FAM186A: variants seen among roughly 807,000 people sequenced by gnomAD.
FAM186A encodes family with sequence similarity 186 member A.
In FAM186A, 163 loss-of-function variants were observed where a neutral mutation model predicts 216.8. The ratio of observed to expected loss-of-function variants is 0.75; its 90% CI spans 0.66 to 0.86. The LOEUF (loss-of-function observed/expected upper bound fraction) is 0.86. Ranked by LOEUF, FAM186A falls within the 40% of genes least tolerant of loss-of-function variation. The pLI, the probability that FAM186A is intolerant of heterozygous loss-of-function variation, is 0.00. For missense variants in FAM186A, 2,184 were observed against 2,746.2 expected (o/e 0.80, Z 4.58); for synonymous variants, 805 against 1,025.3 (o/e 0.79, Z 4.10).
chr12:50,335,081 G>A (rs1484708497), intron 4 of FAM186A, among the ~76,000 whole-genome samples: 1 of 151,822 alleles, frequency 6.6e-6, no homozygotes, highest in Non-Finnish European at 1.5e-5. Context: ...GGGCAATATA[G>A]TAAGACTCCG....
Position 50,351,708 on chromosome 12 carries a change from G to A in FAM186A, c.5124C>T (p.Val1708=), listed in dbSNP as rs1259331709. 1.9e-6 allele frequency: 3 copies of A among 1,551,452 alleles called. No individual in the cohort carries two copies. Among genetic ancestry groups the A allele is most frequent in the Non-Finnish European group, 1.7e-6 (2 of 1,146,912 alleles). Residue 1708 remains valine (V), a synonymous_variant, in exon 4 of 8, where the codon GTC becomes GTT. Transcript: ENST00000327337. ...TCTGAAATGGTCTATGGGACCACTG[G>A]ACTTGCTTAAGGGTGAGGGGCGATC... ...TLGSPLTLKQ[V]QWSHRPFQKS... is the part of the protein sequence containing the mutation.
At chr12:50,375,497 C>T (rs1481612535) in intron 1 of FAM186A, among the ~76,000 whole-genome samples, 3 of 150,022 alleles carry the variant, frequency 2.0e-5, no homozygotes, top group Admixed American at 6.7e-5. Context: ...TGCAGCGAGC[C>T]GAGATTGCAC....
chr12:50,340,512 C>A (rs966314721), intron 4 of FAM186A, among the ~76,000 whole-genome samples: 6 of 151,880 alleles, frequency 4.0e-5, no homozygotes, highest in Admixed American at 3.9e-4. Flanking sequence ...GAGTTCAAGA[C>A]CAGTCTGGGC....
At chr12:50,335,754 A>T (rs1200878241) in intron 4 of FAM186A, among the ~76,000 whole-genome samples, 1 of 150,986 alleles carries the variant, frequency 6.6e-6, no homozygotes. Context: ...CGTTACTTGT[A>T]AAAAAAAAGA....
chr12:50,385,902 A>C (rs549995352), intron 1 of FAM186A, among the ~76,000 whole-genome samples: 72 of 141,902 alleles, frequency 5.1e-4, no homozygotes, highest in Non-Finnish European at 8.0e-4. Flanking sequence ...ACTCCATCTC[A>C]AAAAAAAAAA....
In FAM186A at chr12:50,362,096, C is replaced by T. The variant is rs564271295; in HGVS notation, c.412+1049G>A. On this transcript the variant is annotated intron_variant, in intron 2 of 7. Coordinates refer to ENST00000327337, the MANE Select transcript of FAM186A (RefSeq NM_001145475.3). ...CAAACAGTACACCTGCCTCAGCCTC[C>T]CGAGTAGCTGGGAATAGAGGCATAT... 2.0e-5 allele frequency among the ~76,000 whole-genome samples: 3 copies of T among 152,110 alleles called. No homozygotes were observed. In the South Asian group the frequency reaches 6.2e-4, roughly 32 times the overall value.
At chr12:50,393,051 C>T (rs1943376079) in intron 1 of FAM186A, among the ~76,000 whole-genome samples, 1 of 151,362 alleles carries the variant, frequency 6.6e-6, no homozygotes, top group African/African-American at 2.4e-5. Context: ...CTCAGCCTCC[C>T]GAGTGGGTGG....
chr12:50,341,566 G>C (rs1942762550), intron 4 of FAM186A, among the ~76,000 whole-genome samples: 2 of 152,206 alleles, frequency 1.3e-5, no homozygotes, highest in Admixed American at 6.5e-5. Flanking sequence ...ACCTGACACA[G>C]TGGCTCATAC....
At position 50,351,864 on chromosome 12, in the gene FAM186A, G is replaced by C. The variant is rs1319888167; in HGVS notation, c.4968C>G (p.Ala1656=). 6.5e-7 allele frequency: 1 copy of C among 1,544,394 alleles called. No individual in the cohort carries two copies. Among genetic ancestry groups the C allele is most frequent in the Admixed American group, 2.0e-5 (1 of 50,480 alleles). ...ALGVPITPVN[A]WVSAVTLTSE... ...AGGTAAGAGTGACAGCTGACACCCA[G>C]GCATTTACTGGGGTGATGGGGACTC... The change falls in exon 4 of 8, where the codon GCC becomes GCG. Residue 1656 remains alanine (A), a synonymous_variant. Coordinates refer to ENST00000327337, the MANE Select transcript of FAM186A (RefSeq NM_001145475.3).
In FAM186A at chr12:50,353,696, T is replaced by A; in HGVS notation, c.3136A>T (p.Ile1046Leu). Reference sequence around the variant, plus strand: ...AGGGAGGGGGGAGGTGTGATTGATATGGGCTCCTTTTCATCAGGAAGGTTC... The same window carrying A: ...AGGGAGGGGGGAGGTGTGATTGATAAGGGCTCCTTTTCATCAGGAAGGTTC... ...LENLPDEKEP[I>L]SITPPPSLQY... The change falls in exon 4 of 8, where the codon ATA becomes TTA. Residue 1046 changes from isoleucine to leucine, a missense_variant. Transcript: ENST00000327337. 1 of 1,539,132 alleles carries A rather than the reference T, an allele frequency of 6.5e-7. No individual in the cohort carries two copies.
chr12:50,375,716 CAAAAAAAAAAAGA>C (rs1943191290), intron 1 of FAM186A, among the ~76,000 whole-genome samples: 2 of 112,848 alleles, frequency 1.8e-5, no homozygotes, highest in East Asian at 2.5e-4. Context: ...GACTCCATCT[CAAAAAAAAAAAGA>C]AAAAGAAAAA....
rs10611207 is a variant in FAM186A at position 50,339,741 on chromosome 12, T to TACACACACACAC, written c.6504-5650_6504-5639dup. 2.8e-3 allele frequency among the ~76,000 whole-genome samples: 413 copies of TACACACACACAC among 148,520 alleles called. 7 individuals carry two copies. The highest frequency in any genetic ancestry group is 9.3e-3 in the African/African-American group (375 of 40,128). ...TCTAAGTATTAGCCACAAAGTACTT[T>TACACACACACAC]ACACACACACACACACACACACACA... On this transcript the variant is annotated intron_variant, in intron 4 of 7. Transcript: ENST00000327337.
intron 1 of FAM186A, among the ~76,000 whole-genome samples, chr12:50,371,007 A>G (rs4362211): frequency 0.97 from 147,567 of 152,042 alleles, 71,762 homozygotes; most frequent in East Asian, 1. Context: ...ACTGAGGCAG[A>G]AGAATCGCTT....
At chr12:50,368,021 T>C (rs554709299) in intron 1 of FAM186A, among the ~76,000 whole-genome samples, 15 of 152,154 alleles carry the variant, frequency 9.9e-5, no homozygotes, top group Admixed American at 4.6e-4. Context: ...GGTGGGTGTT[T>C]GTAATCCCAG....
rs117247841 is a variant in FAM186A at position 50,395,151 on chromosome 12, T to A, written c.192+1142A>T. On this transcript the variant is annotated intron_variant, in intron 1 of 7. Transcript: ENST00000327337. ...GCTATGTCACCCATGCTGAGTGGGG[T>A]GCAGTAGTGCAAGCATGGTGCTCAC... is the stretch of plus-strand genomic sequence containing the variant. Among the ~76,000 whole-genome samples the A allele has an allele frequency of 2.3e-4, 35 of 152,256 alleles. No individual in the cohort carries two copies. The East Asian group carries it at 6.4e-3, about 28-fold the overall frequency.
Position 50,333,919 on chromosome 12 carries a change from A to G in FAM186A, c.6688T>C (p.Phe2230Leu). The change falls in exon 5 of 8, where the codon TTC becomes CTC. Residue 2230 changes from phenylalanine to leucine, a missense_variant. Phe to Leu is a conservative substitution (Grantham distance 22). Coordinates refer to ENST00000327337, the MANE Select transcript of FAM186A (RefSeq NM_001145475.3). ...NQCLKKMIHV[F>L]NQLKKIHELN... is the part of the protein sequence containing the mutation. ...AGTGGAAAGCAGGTTACCTGGTTGA[A>G]TACGTGTATCATTTTCTTCAGGCAC... 6.4e-7 allele frequency: 1 copy of G among 1,550,550 alleles called. No individual in the cohort carries two copies. The highest frequency in any genetic ancestry group is 8.7e-7 in the Non-Finnish European group (1 of 1,146,740).
Position 50,334,033 on chromosome 12 carries a change from T to G in FAM186A, c.6574A>C (p.Met2192Leu). 6.4e-7 allele frequency: 1 copy of G among 1,551,708 alleles called. No homozygotes were observed. ...GKGYEARNLH[M>L]MLSRLDDYGK... ...TAGTCATCAAGTCTGCTCAGCATCATGTGGAGGTTCCTGGCCTCATAGCCT... is the reference window on the plus strand; with the variant it reads ...TAGTCATCAAGTCTGCTCAGCATCAGGTGGAGGTTCCTGGCCTCATAGCCT... Residue 2192 changes from methionine to leucine, a missense_variant, in exon 5 of 8, where the codon ATG (methionine) becomes CTG (leucine). Physicochemically the swap from Met to Leu is conservative, Grantham distance 15. Transcript: ENST00000327337.
intron 2 of FAM186A, 78 bp downstream of exon 2, chr12:50,363,067 T>G (rs542444612): frequency 8.2e-7 from 1 of 1,221,246 alleles, no homozygotes; most frequent in East Asian, 2.6e-5. Context: ...TGATTAATCC[T>G]TCAAAATTTA....
intron 1 of FAM186A, among the ~76,000 whole-genome samples, chr12:50,393,731 C>T (rs1023629134): frequency 3.3e-5 from 5 of 152,208 alleles, no homozygotes; most frequent in African/African-American, 9.6e-5. Flanking sequence ...TGCCTGTAGT[C>T]TCAGCTACTT....
Sources: allele counts gnomAD v4.1 joint callset (sites outside exome capture counted in the v4.1 genomes callset), GRCh38; gene constraint gnomAD v4.1.1; transcripts MANE v1.5; gene names NCBI Gene and HGNC (gene_info 2026-07-23, HGNC 2026-07-21).